FHIP1A: variants seen among roughly 807,000 people sequenced by gnomAD.
The protein encoded by FHIP1A is FHF complex subunit HOOK-interacting protein 1A.
In FHIP1A, 61 loss-of-function variants were observed where a neutral mutation model predicts 88.6. The observed-to-expected ratio is 0.69, with a 90% confidence interval of 0.56 to 0.85. The LOEUF is 0.85. Among genes scored for constraint, FHIP1A ranks in the 40% least tolerant of loss-of-function variants. The pLI, the probability that FHIP1A is intolerant of heterozygous loss-of-function variation, is 0.00. For missense variants in FHIP1A, 1,154 were observed against 1,273.5 expected (o/e 0.91, Z 1.43); for synonymous variants, 478 against 496.0 (o/e 0.96, Z 0.48).
At chr4:151,606,689 C>G (rs1464331963) in intron 7 of FHIP1A, among the ~76,000 whole-genome samples, 1 of 152,194 alleles carries the variant, frequency 6.6e-6, no homozygotes, top group Non-Finnish European at 1.5e-5. Flanking sequence ...TCACTGAAGG[C>G]TCCTGAACAT....
intron 7 of FHIP1A, among the ~76,000 whole-genome samples, chr4:151,617,455 G>A (rs1735584459): frequency 6.6e-6 from 1 of 152,074 alleles, no homozygotes. Flanking sequence ...TCCTGCCTAT[G>A]AGCCTTCCTT....
rs1017814821 is a variant in FHIP1A, at chr4:151,665,141, A to G, written c.*2387A>G. On this transcript the variant is annotated 3_prime_UTR_variant, in exon 14 of 14. Coordinates refer to ENST00000435205, the MANE Select transcript of FHIP1A (RefSeq NM_001109977.3). ...AGGAACGTGCCACCACACCCAGCTA[A>G]CTTTTTGGTATAGTTTGTAGAGATG... 5.9e-5 allele frequency among the ~76,000 whole-genome samples: 9 copies of G among 152,100 alleles called. No individual in the cohort carries two copies. Among genetic ancestry groups the G allele is most frequent in the Admixed American group, 5.9e-4 (9 of 15,256 alleles).
intron 7 of FHIP1A, among the ~76,000 whole-genome samples, chr4:151,597,214 T>C (rs1251706861): frequency 6.6e-6 from 1 of 152,194 alleles, no homozygotes; most frequent in Non-Finnish European, 1.5e-5. Flanking sequence ...GGTTTTTGAG[T>C]GGACGTCCTT....
intron 1 of FHIP1A, among the ~76,000 whole-genome samples, chr4:151,410,185 G>A (rs145389293): frequency 1.3e-5 from 2 of 152,328 alleles, no homozygotes; most frequent in African/African-American, 4.8e-5. Flanking sequence ...AATCACATGA[G>A]CAGGTCTAGT....
At chr4:151,595,910 A>G (rs554813436) in intron 7 of FHIP1A, among the ~76,000 whole-genome samples, 2 of 152,214 alleles carry the variant, frequency 1.3e-5, no homozygotes, top group South Asian at 2.1e-4. Flanking sequence ...TTTTGAGCCT[A>G]TGTATGTCTT....
chr4:151,591,974 A>G (rs1243905416), intron 7 of FHIP1A, among the ~76,000 whole-genome samples: 1 of 152,210 alleles, frequency 6.6e-6, no homozygotes, highest in Non-Finnish European at 1.5e-5. Flanking sequence ...TCCTTTGGGT[A>G]TATACCCAGT....
intron 3 of FHIP1A, among the ~76,000 whole-genome samples, chr4:151,502,115 A>C (rs1730670175): frequency 6.6e-6 from 1 of 150,650 alleles, no homozygotes; most frequent in African/African-American, 2.4e-5. Flanking sequence ...CAGGAATTTG[A>C]GACCAGTCTG....
chr4:151,419,205 T>C (rs975218804), intron 1 of FHIP1A, among the ~76,000 whole-genome samples: 2 of 152,198 alleles, frequency 1.3e-5, no homozygotes, highest in Non-Finnish European at 2.9e-5. Context: ...TTCAGTCTAT[T>C]GAAGGCTTCA....
At chr4:151,434,033 A>G (rs1039153950) in intron 1 of FHIP1A, among the ~76,000 whole-genome samples, 1 of 152,170 alleles carries the variant, frequency 6.6e-6, no homozygotes, top group Non-Finnish European at 1.5e-5. Context: ...AAGAAGTGCA[A>G]ATGTTTGTTC....
intron 7 of FHIP1A, among the ~76,000 whole-genome samples, chr4:151,610,576 G>T (rs1179773130): frequency 1.3e-5 from 2 of 152,148 alleles, no homozygotes; most frequent in Non-Finnish European, 2.9e-5. Flanking sequence ...CTTCTCTGTA[G>T]ACTCACTTCT....
intron 4 of FHIP1A, among the ~76,000 whole-genome samples, chr4:151,568,086 A>C (rs1733458614): frequency 6.6e-6 from 1 of 152,200 alleles, no homozygotes; most frequent in Non-Finnish European, 1.5e-5. Context: ...TGTCCCAGGC[A>C]GGCTTTCTCC....
rs182417250 is a variant in FHIP1A, at chr4:151,495,487, G to A, written c.-123+12839G>A. Among the ~76,000 whole-genome samples the A allele has an allele frequency of 8.7e-3, 1,314 of 151,236 alleles. 22 individuals are homozygous for A. Among genetic ancestry groups the A allele is most frequent in the African/African-American group, 0.03 (1,232 of 41,250 alleles). On this transcript the variant is annotated intron_variant, in intron 3 of 13. Transcript: ENST00000435205. ...ACTGCACTCCAGCCTGGGCAACAGA[G>A]TGAGACTGTTTCAAAAAAAAAAGAA...
chr4:151,577,957 A>G lies in FHIP1A; in HGVS notation c.613A>G (p.Ile205Val), dbSNP rs545255097. The change falls in exon 5 of 14, where the codon ATT (isoleucine) becomes GTT (valine). Residue 205 changes from isoleucine (I) to valine (V), a missense_variant. Physicochemically the swap from Ile to Val is conservative, Grantham distance 29. Coordinates refer to ENST00000435205, the MANE Select transcript of FHIP1A (RefSeq NM_001109977.3). ...FLIFSLLIPF[I>V]HREGSVGQQA... ...CATCTTCTCCCTTCTGATTCCCTTC[A>G]TTCACCGAGAGGGGTCAGTAGGCCA... The G allele has an allele frequency of 9.7e-6, 15 of 1,551,226 alleles. No homozygotes were observed. The highest frequency in any genetic ancestry group is 1.3e-5 in the Non-Finnish European group (15 of 1,146,900).
chr4:151,614,638 A>G (rs920925492), intron 7 of FHIP1A, among the ~76,000 whole-genome samples: 6 of 152,060 alleles, frequency 3.9e-5, no homozygotes, highest in Non-Finnish European at 5.9e-5. Flanking sequence ...TGATTAGAGT[A>G]ATGAAGTTAT....
intron 1 of FHIP1A, among the ~76,000 whole-genome samples, chr4:151,418,172 TAA>T (rs1040622837): frequency 1.0e-4 from 8 of 77,942 alleles, no homozygotes; most frequent in East Asian, 4.1e-4. Context: ...AACCTATCTC[TAA>T]AAAAAAAAAA....
intron 1 of FHIP1A, among the ~76,000 whole-genome samples, chr4:151,421,425 GCACTTGTCTTT>G (rs1180192550): frequency 1.3e-5 from 2 of 152,056 alleles, no homozygotes; most frequent in Non-Finnish European, 2.9e-5. Flanking sequence ...CTGCTCTCCT[GCACTTGTCTTT>G]TAACATATTT....
intron 1 of FHIP1A, among the ~76,000 whole-genome samples, chr4:151,443,724 T>TGTGTGTGTGTGTGTGTG (rs370363970): frequency 4.7e-4 from 70 of 148,220 alleles, no homozygotes; most frequent in Middle Eastern, 3.5e-3. Context: ...TGTGTGTGTG[T>TGTGTGTGTGTGTGTGTG]TTAGTACTGG....
chr4:151,511,644 G>T (rs1440725874), intron 3 of FHIP1A, among the ~76,000 whole-genome samples: 1 of 152,226 alleles, frequency 6.6e-6, no homozygotes, highest in African/African-American at 2.4e-5. Flanking sequence ...TCCCGCACAT[G>T]GCTCGGAGAG....
chr4:151,588,926 G>A lies in FHIP1A; in HGVS notation c.978G>A (p.Lys326=). The change falls in exon 7 of 14, where the codon AAG becomes AAA. Residue 326 remains lysine (K), a splice_region_variant and synonymous_variant. Coordinates refer to ENST00000435205, the MANE Select transcript of FHIP1A (RefSeq NM_001109977.3). ...CAGTCTTGGCTCCTGCTCTCCATAA[G>A]GTCAGTGATTGGCTCATGTAATCTT... ...LVPVLAPALH[K]VTVEEVMTTT... The A allele has an allele frequency of 6.5e-7, 1 of 1,533,656 alleles. No individual in the cohort carries two copies. The highest frequency in any genetic ancestry group is 8.8e-7 in the Non-Finnish European group (1 of 1,130,706).
Sources: allele counts gnomAD v4.1 joint callset (sites outside exome capture counted in the v4.1 genomes callset), GRCh38; gene constraint gnomAD v4.1.1; transcripts MANE v1.5; gene names NCBI Gene and HGNC (gene_info 2026-07-23, HGNC 2026-07-21).